AGBL4: variants seen among roughly 807,000 people sequenced by gnomAD.
AGBL4 encodes the protein cytosolic carboxypeptidase 6.
In AGBL4, 58 loss-of-function variants were observed where a neutral mutation model predicts 66.4. That is an observed-to-expected ratio of 0.87 (90% CI 0.71 to 1.09). The LOEUF (loss-of-function observed/expected upper bound fraction) is 1.09. Ranked by LOEUF, AGBL4 falls within the 50% of genes least tolerant of loss-of-function variation. AGBL4 has a pLI of 0.00. For missense variants in AGBL4, 579 were observed against 631.0 expected (o/e 0.92, Z 0.88); for synonymous variants, 234 against 222.9 (o/e 1.05, Z -0.44).
At chr1:49,382,209 A>G (rs1313532680) in intron 3 of AGBL4, among the ~76,000 whole-genome samples, 1 of 152,120 alleles carries the variant, frequency 6.6e-6, no homozygotes, top group Non-Finnish European at 1.5e-5. Context: ...TAATAATAAC[A>G]GGAACAAGAA....
At chr1:48,940,176 G>A (rs186390251) in intron 5 of AGBL4, among the ~76,000 whole-genome samples, 25 of 152,272 alleles carry the variant, frequency 1.6e-4, no homozygotes, top group Admixed American at 7.2e-4. Flanking sequence ...TCAGGAGTTC[G>A]AAACCAGCCT....
intron 4 of AGBL4, among the ~76,000 whole-genome samples, chr1:49,076,148 C>T (rs771204273): frequency 1.6e-4 from 25 of 152,082 alleles, no homozygotes; most frequent in Non-Finnish European, 3.2e-4. Context: ...TTTTCTTATG[C>T]CTCAAAGAAA....
chr1:48,862,603 G>T (rs1044135051), intron 6 of AGBL4, among the ~76,000 whole-genome samples: 1 of 152,184 alleles, frequency 6.6e-6, no homozygotes, highest in Non-Finnish European at 1.5e-5. Context: ...TTACAGGTGT[G>T]AGCCACTGTG....
intron 3 of AGBL4, among the ~76,000 whole-genome samples, chr1:49,643,863 T>C (rs1251790427): frequency 6.6e-6 from 1 of 151,644 alleles, no homozygotes; most frequent in Non-Finnish European, 1.5e-5. Context: ...CTGTAACATA[T>C]AAAAGTCCGA....
At chr1:48,704,665 A>G (rs1319363636) in intron 6 of AGBL4, among the ~76,000 whole-genome samples, 1 of 152,118 alleles carries the variant, frequency 6.6e-6, no homozygotes, top group Non-Finnish European at 1.5e-5. Context: ...ACTGTCCTCT[A>G]CCTCCACATC....
intron 5 of AGBL4, among the ~76,000 whole-genome samples, chr1:48,909,104 T>C (rs1248452020): frequency 1.3e-5 from 2 of 152,216 alleles, no homozygotes; most frequent in African/African-American, 4.8e-5. Context: ...ATTTGCTGCT[T>C]ACAAATTGTG....
intron 2 of AGBL4, among the ~76,000 whole-genome samples, chr1:49,751,431 C>T (rs974852449): frequency 4.6e-5 from 7 of 152,098 alleles, no homozygotes; most frequent in South Asian, 2.1e-4. Flanking sequence ...GGGATGAAGC[C>T]GACTTGATCG....
intron 4 of AGBL4, among the ~76,000 whole-genome samples, chr1:49,190,339 A>G (rs1159798134): frequency 6.6e-6 from 1 of 152,200 alleles, no homozygotes; most frequent in African/African-American, 2.4e-5. Context: ...CTTTGTTCCT[A>G]GGTACACAGA....
At position 49,960,928 on chromosome 1, in the gene AGBL4, G is replaced by A. The variant is rs12049369; in HGVS notation, c.34+62835C>T. On this transcript the variant is annotated intron_variant, in intron 1 of 13. Coordinates refer to ENST00000371839, the MANE Select transcript of AGBL4 (RefSeq NM_032785.4). ...TATTACATGAATATTTGTGAGCCAC[G>A]TGAATATCTGTGAGCCACACTCAGT... Among the ~76,000 whole-genome samples the A allele has an allele frequency of 8.2e-3, 1,244 of 152,080 alleles. 9 individuals carry two copies. Among genetic ancestry groups the A allele is most frequent in the Middle Eastern group, 0.034 (10 of 294 alleles).
intron 2 of AGBL4, among the ~76,000 whole-genome samples, chr1:49,789,703 A>G (rs1013744434): frequency 6.6e-6 from 1 of 152,226 alleles, no homozygotes; most frequent in Non-Finnish European, 1.5e-5. Context: ...ATGAGAAAAC[A>G]TTCCACGCTC....
chr1:48,788,108 T>G (rs1320413317), intron 6 of AGBL4, among the ~76,000 whole-genome samples: 1 of 152,266 alleles, frequency 6.6e-6, no homozygotes, highest in African/African-American at 2.4e-5. Flanking sequence ...TAGGAAAATC[T>G]ATGACTCTCA....
intron 4 of AGBL4, among the ~76,000 whole-genome samples, chr1:49,067,149 G>A (rs765310984): frequency 6.6e-6 from 1 of 152,068 alleles, no homozygotes; most frequent in Non-Finnish European, 1.5e-5. Flanking sequence ...CAGGAGGGTC[G>A]GGTGTTAGCA....
At chr1:48,580,291 A>G (rs1442179435) in intron 11 of AGBL4, among the ~76,000 whole-genome samples, 1 of 152,234 alleles carries the variant, frequency 6.6e-6, no homozygotes, top group East Asian at 1.9e-4. Flanking sequence ...GGGACTGCCC[A>G]TGCTGTCTCA....
rs150749259 is a variant in AGBL4, at chr1:49,990,776, C to G, written c.34+32987G>C. ...CCTCACTATAAAACTGATGATACTA[C>G]AGTATAATACCTCTGAATAGGTTTG... On this transcript the variant is annotated intron_variant, in intron 1 of 13. Coordinates refer to ENST00000371839, the MANE Select transcript of AGBL4 (RefSeq NM_032785.4). Among the ~76,000 whole-genome samples, 541 of 152,228 alleles carry G rather than the reference C, an allele frequency of 3.6e-3. 1 individual carries two copies. The highest frequency in any genetic ancestry group is 6.4e-3 in the Non-Finnish European group (438 of 68,016).
At chr1:49,921,537 T>C (rs1652251003) in intron 1 of AGBL4, among the ~76,000 whole-genome samples, 2 of 152,058 alleles carry the variant, frequency 1.3e-5, no homozygotes, top group African/African-American at 4.8e-5. Context: ...CAATAGGCCA[T>C]CTGCAAGCTG....
chr1:49,717,327 A>G (rs1188612030), intron 2 of AGBL4, among the ~76,000 whole-genome samples: 3 of 152,114 alleles, frequency 2.0e-5, no homozygotes, highest in Non-Finnish European at 4.4e-5. Context: ...GCTACCACTG[A>G]CTTTTTAATA....
intron 6 of AGBL4, among the ~76,000 whole-genome samples, chr1:48,827,895 C>G (rs551583916): frequency 2.8e-4 from 42 of 151,898 alleles, no homozygotes; most frequent in Non-Finnish European, 5.9e-4. Context: ...CGGCTCATGC[C>G]TGTAATCCCA....
At chr1:49,599,334 G>A (rs772982093) in intron 3 of AGBL4, among the ~76,000 whole-genome samples, 1 of 152,182 alleles carries the variant, frequency 6.6e-6, no homozygotes, top group Non-Finnish European at 1.5e-5. Context: ...AGACTTGGGA[G>A]GGTGTATGTG....
chr1:49,057,420 C>T (rs961679180), intron 4 of AGBL4, among the ~76,000 whole-genome samples: 6 of 151,534 alleles, frequency 4.0e-5, no homozygotes, highest in African/African-American at 1.5e-4. Context: ...TGTCTCAAAA[C>T]AAAAAAGAAA....
Sources: allele counts gnomAD v4.1 joint callset (sites outside exome capture counted in the v4.1 genomes callset), GRCh38; gene constraint gnomAD v4.1.1; transcripts MANE v1.5; gene names NCBI Gene and HGNC (gene_info 2026-07-23, HGNC 2026-07-21).